The following PTPRN2 variants were observed in gnomAD, a reference collection of about 807,000 sequenced individuals.
PTPRN2 encodes the protein protein tyrosine phosphatase receptor type N2.
Under a neutral mutation model 118.8 loss-of-function variants are expected in PTPRN2, and 74 were observed. That is an observed-to-expected ratio of 0.62 (90% CI 0.52 to 0.76). The LOEUF (loss-of-function observed/expected upper bound fraction) is 0.76, where lower values mean the gene tolerates loss of function less well. Ranked by LOEUF, PTPRN2 falls within the 30% of genes least tolerant of loss-of-function variation. PTPRN2 has a pLI of 0.00. For missense variants in PTPRN2, 1,481 were observed against 1,394.4 expected (o/e 1.06, Z -0.99); for synonymous variants, 641 against 608.0 (o/e 1.05, Z -0.80).
At chr7:157,927,861 A>G (rs12674025) in intron 11 of PTPRN2, among the ~76,000 whole-genome samples, 95,422 of 151,862 alleles carry the variant, frequency 0.63, 30,493 homozygotes, top group African/African-American at 0.74. Context: ...TCTTACGCAC[A>G]CCCTTCACAG....
chr7:157,745,831 C>T (rs1404573668), intron 12 of PTPRN2, among the ~76,000 whole-genome samples: 4 of 152,162 alleles, frequency 2.6e-5, no homozygotes, highest in Non-Finnish European at 5.9e-5. Flanking sequence ...GACGCACGCC[C>T]TGATTTGACC....
chr7:158,206,454 G>A (rs1475239662), intron 3 of PTPRN2, among the ~76,000 whole-genome samples: 5 of 152,190 alleles, frequency 3.3e-5, no homozygotes, highest in African/African-American at 1.2e-4. Context: ...CATGGGCCTT[G>A]GGTAAGACTC....
chr7:158,310,231 G>C (rs1361722415), intron 3 of PTPRN2, among the ~76,000 whole-genome samples: 1 of 152,240 alleles, frequency 6.6e-6, no homozygotes, highest in Non-Finnish European at 1.5e-5. Flanking sequence ...GAGTCTTGAG[G>C]TGTGTGCTGG....
chr7:158,500,468 A>C (rs1822281678), intron 1 of PTPRN2, among the ~76,000 whole-genome samples: 1 of 152,260 alleles, frequency 6.6e-6, no homozygotes, highest in East Asian at 1.9e-4. Flanking sequence ...GGGAATTAGC[A>C]AGTCTCAGCT....
At chr7:157,922,164 T>C (rs1798725256) in intron 11 of PTPRN2, among the ~76,000 whole-genome samples, 1 of 152,240 alleles carries the variant, frequency 6.6e-6, no homozygotes, top group Admixed American at 6.5e-5. Context: ...ACAAAGATTA[T>C]TACTGCAGTG....
intron 2 of PTPRN2, among the ~76,000 whole-genome samples, chr7:158,480,992 G>A (rs1212449257): frequency 5.3e-5 from 8 of 152,266 alleles, no homozygotes; most frequent in Non-Finnish European, 1.2e-4. Context: ...GAAGGTGGCT[G>A]CTCTAACAAC....
intron 12 of PTPRN2, among the ~76,000 whole-genome samples, chr7:157,701,943 C>G (rs976182149): frequency 6.7e-6 from 1 of 148,362 alleles, no homozygotes; most frequent in African/African-American, 2.5e-5. Context: ...ATAAGAAAGC[C>G]CGGTCGGTGC....
At chr7:157,788,386 A>AAG (rs938766720) in intron 12 of PTPRN2, among the ~76,000 whole-genome samples, 2 of 151,706 alleles carry the variant, frequency 1.3e-5, no homozygotes, top group African/African-American at 4.8e-5. Flanking sequence ...AAAAAAAAAA[A>AAG]AAAAAAGAAA....
At chr7:158,530,204 C>T (rs1385404546) in intron 1 of PTPRN2, among the ~76,000 whole-genome samples, 4 of 152,196 alleles carry the variant, frequency 2.6e-5, no homozygotes, top group African/African-American at 9.7e-5. Context: ...ATCCAAAATA[C>T]AATTTAAATG....
chr7:157,876,792 C>A (rs1355995063), intron 12 of PTPRN2, among the ~76,000 whole-genome samples: 1 of 152,228 alleles, frequency 6.6e-6, no homozygotes, highest in African/African-American at 2.4e-5. Flanking sequence ...GTCGGGGCAG[C>A]TGCTGTGTGG....
At chr7:158,347,004 C>T (rs1807562504) in intron 2 of PTPRN2, among the ~76,000 whole-genome samples, 1 of 152,072 alleles carries the variant, frequency 6.6e-6, no homozygotes, top group Admixed American at 6.6e-5. Flanking sequence ...GGATATTAAG[C>T]CCTTATTGGA....
At chr7:158,381,075 G>A (rs112565162) in intron 2 of PTPRN2, among the ~76,000 whole-genome samples, 9,811 of 152,294 alleles carry the variant, frequency 0.064, 323 homozygotes, top group Middle Eastern at 0.12. Context: ...TGGGCCTCAG[G>A]GCCTGTGATG....
intron 11 of PTPRN2, among the ~76,000 whole-genome samples, chr7:158,004,292 G>T (rs1805495026): frequency 6.6e-6 from 1 of 152,118 alleles, no homozygotes; most frequent in Non-Finnish European, 1.5e-5. Flanking sequence ...GTGGCCCCAG[G>T]ACTCAGAGCT....
intron 12 of PTPRN2, among the ~76,000 whole-genome samples, chr7:157,706,820 A>G (rs941930242): frequency 1.3e-5 from 2 of 151,984 alleles, no homozygotes; most frequent in African/African-American, 2.4e-5. Context: ...TGCCTTCCAG[A>G]TCAACGTGAC....
intron 4 of PTPRN2, among the ~76,000 whole-genome samples, chr7:158,194,637 T>C (rs184477522): frequency 2.3e-3 from 353 of 152,334 alleles, no homozygotes; most frequent in African/African-American, 8.1e-3. Context: ...CATCTGCTTC[T>C]CTCAGGCCAG....
chr7:158,556,395 A>T (rs1442351971), intron 1 of PTPRN2, among the ~76,000 whole-genome samples: 1 of 152,080 alleles, frequency 6.6e-6, no homozygotes, highest in East Asian at 1.9e-4. Context: ...CTCTACTAAA[A>T]ATACAAAAAT....
At chr7:158,009,729 A>G (rs4236188) in intron 11 of PTPRN2, among the ~76,000 whole-genome samples, 127,210 of 151,872 alleles carry the variant, frequency 0.84, 53,384 homozygotes, top group East Asian at 0.87. Flanking sequence ...CTTTCTGGGT[A>G]TATAGCACAT....
At position 158,188,244 on chromosome 7, in the gene PTPRN2, C is replaced by CCT. The variant is rs1563576681; in HGVS notation, c.549+4082_549+4083insAG. Among the ~76,000 whole-genome samples the CCT allele has an allele frequency of 5.4e-3, 99 of 18,252 alleles. 2 individuals are homozygous for CCT. Among genetic ancestry groups the CCT allele is most frequent in the African/African-American group, 6.9e-3 (51 of 7,416 alleles). 12.0% of individuals were successfully genotyped at this position (18,252 alleles called of 152,430 possible). A position where few individuals can be genotyped will look rare whatever the true frequency, so the allele number is the denominator to read the frequency against. The stretch of plus-strand genomic sequence containing the variant: ...GGGGAAGGCCGCCACGCTTGCCCCG[C>CCT]GATGGGGAAGGCCGCCACGCTCGCC... On this transcript the variant is annotated intron_variant, in intron 5 of 22. Transcript: ENST00000389418.
intron 3 of PTPRN2, among the ~76,000 whole-genome samples, chr7:158,305,792 C>CAAAAAAAAA (rs113374723): frequency 8.6e-5 from 10 of 116,228 alleles, no homozygotes; most frequent in African/African-American, 2.7e-4. Flanking sequence ...GCAATTTACT[C>CAAAAAAAAA]AAAAAAAAAA....
Sources: gnomAD v4.1 joint callset for allele counts (sites outside exome capture counted in the v4.1 genomes callset) on GRCh38, gnomAD v4.1.1 for gene constraint, MANE v1.5 for transcripts, NCBI Gene and HGNC (gene_info 2026-07-23, HGNC 2026-07-21) for gene names.